CCDC172: variants seen among roughly 807,000 people sequenced by gnomAD.
CCDC172 encodes the protein coiled-coil domain-containing protein 172.
CCDC172 carries 30 observed loss-of-function variants against 38.0 expected under a neutral mutation model. That is an observed-to-expected ratio of 0.79 (90% CI 0.59 to 1.07). CCDC172 has a LOEUF of 1.07. CCDC172 is among the 50% of genes least tolerant of loss of function. CCDC172 has a pLI of 0.00. For missense variants in CCDC172, 297 were observed against 290.1 expected (o/e 1.02, Z -0.17); for synonymous variants, 78 against 88.3 (o/e 0.88, Z 0.66).
At chr10:116,338,783 G>T (rs935514159) in intron 3 of CCDC172, among the ~76,000 whole-genome samples, 3 of 152,050 alleles carry the variant, frequency 2.0e-5, no homozygotes, top group Admixed American at 2.0e-4. Flanking sequence ...TTGAATAATA[G>T]ATTTGCTTAA....
chr10:116,370,180 G>T (rs985191607), intron 7 of CCDC172, among the ~76,000 whole-genome samples: 11 of 148,558 alleles, frequency 7.4e-5, no homozygotes, highest in African/African-American at 2.7e-4. Flanking sequence ...GGTGGTTTTT[G>T]CTACACAACC....
At chr10:116,360,830 GTGT>G (rs1845054685) in intron 7 of CCDC172, among the ~76,000 whole-genome samples, 1 of 152,016 alleles carries the variant, frequency 6.6e-6, no homozygotes, top group Non-Finnish European at 1.5e-5. Context: ...ACCTTTAATG[GTGT>G]GAGTTAAGTT....
intron 6 of CCDC172, 27 bp from the exon 7 acceptor site, chr10:116,357,809 A>T: frequency 1.7e-6 from 2 of 1,156,884 alleles, no homozygotes; most frequent in Non-Finnish European, 2.5e-6. Flanking sequence ...TTTTCAAAAG[A>T]TTGCAACTAT....
At chr10:116,335,200 G>A (rs913921081) in intron 3 of CCDC172, among the ~76,000 whole-genome samples, 2 of 151,798 alleles carry the variant, frequency 1.3e-5, no homozygotes, top group African/African-American at 4.8e-5. Context: ...CTTTTATAGT[G>A]GTTTTCTTTT....
At chr10:116,339,558 A>T (rs1844768892) in intron 3 of CCDC172, among the ~76,000 whole-genome samples, 1 of 151,786 alleles carries the variant, frequency 6.6e-6, no homozygotes, top group Non-Finnish European at 1.5e-5. Context: ...AGTTCCTTTG[A>T]TTATGTGAAT....
At chr10:116,331,742 C>T (rs1662013268) in intron 3 of CCDC172, among the ~76,000 whole-genome samples, 1 of 152,094 alleles carries the variant, frequency 6.6e-6, no homozygotes, top group African/African-American at 2.4e-5. Flanking sequence ...AAGAACTTAT[C>T]TCTCCTGGCT....
At chr10:116,355,157 C>G (rs185353024) in intron 5 of CCDC172, among the ~76,000 whole-genome samples, 6 of 152,260 alleles carry the variant, frequency 3.9e-5, no homozygotes, top group Middle Eastern at 6.8e-3. Context: ...ATTCACTCAC[C>G]ACTCATTGAC....
intron 3 of CCDC172, among the ~76,000 whole-genome samples, chr10:116,326,035 G>C (rs1021285970): frequency 2.6e-5 from 4 of 152,168 alleles, no homozygotes; most frequent in African/African-American, 9.6e-5. Context: ...ATTGGGAAAG[G>C]AATCTAGTCA....
chr10:116,328,394 T>C (rs1008320915), intron 3 of CCDC172, among the ~76,000 whole-genome samples: 3 of 152,148 alleles, frequency 2.0e-5, no homozygotes, highest in African/African-American at 7.2e-5. Flanking sequence ...TTGTATAGTA[T>C]TGATGACAGG....
intron 5 of CCDC172, among the ~76,000 whole-genome samples, chr10:116,344,136 G>A (rs1358887276): frequency 6.6e-6 from 1 of 152,212 alleles, no homozygotes; most frequent in Admixed American, 6.5e-5. Context: ...GAAAGGGAAA[G>A]AGGGGAACAA....
At chr10:116,344,477 T>C (rs1190684722) in intron 5 of CCDC172, among the ~76,000 whole-genome samples, 3 of 152,138 alleles carry the variant, frequency 2.0e-5, no homozygotes, top group Non-Finnish European at 2.9e-5. Flanking sequence ...ACAGTATAAA[T>C]GATTTTAAAA....
At chr10:116,327,267 G>A (rs1430007859) in intron 3 of CCDC172, among the ~76,000 whole-genome samples, 2 of 152,006 alleles carry the variant, frequency 1.3e-5, no homozygotes, top group African/African-American at 2.4e-5. Flanking sequence ...TTTTATTAAA[G>A]CAGATTTCTT....
intron 5 of CCDC172, among the ~76,000 whole-genome samples, chr10:116,350,394 G>C (rs897767906): frequency 5.3e-5 from 8 of 152,176 alleles, no homozygotes; most frequent in Non-Finnish European, 1.5e-5. Context: ...AGGTAGCAAG[G>C]AGGATTTCAA....
chr10:116,344,602 T>G (rs889806026), intron 5 of CCDC172, among the ~76,000 whole-genome samples: 1 of 152,106 alleles, frequency 6.6e-6, no homozygotes, highest in Admixed American at 6.5e-5. Flanking sequence ...CCTAGAACAT[T>G]ACTGTATGCT....
chr10:116,379,094 T>G (rs1845282127), intron 8 of CCDC172, among the ~76,000 whole-genome samples: 1 of 152,142 alleles, frequency 6.6e-6, no homozygotes, highest in Admixed American at 6.6e-5. Flanking sequence ...TAAACTATCT[T>G]AAAATGTAGT....
chr10:116,339,982 T>C (rs1483006316), intron 3 of CCDC172, among the ~76,000 whole-genome samples: 1 of 151,998 alleles, frequency 6.6e-6, no homozygotes, highest in Non-Finnish European at 1.5e-5. Flanking sequence ...GATGCTTTCT[T>C]ATGAGGGCTA....
chr10:116,379,225 C>T, intron 8 of CCDC172, 98 bp from the exon 9 acceptor site: 3 of 579,266 alleles, frequency 5.2e-6, no homozygotes, highest in Non-Finnish European at 8.6e-6. Flanking sequence ...TTAAGAAATG[C>T]CCAGAATTTA....
At chr10:116,356,214 C>T (rs1250501555) in intron 5 of CCDC172, among the ~76,000 whole-genome samples, 1 of 151,952 alleles carries the variant, frequency 6.6e-6, no homozygotes, top group Non-Finnish European at 1.5e-5. Flanking sequence ...CCTGTAATCG[C>T]AGCTGCTTAG....
intron 7 of CCDC172, among the ~76,000 whole-genome samples, chr10:116,367,712 A>G (rs908698108): frequency 1.3e-5 from 2 of 152,100 alleles, no homozygotes; most frequent in African/African-American, 4.8e-5. Flanking sequence ...TATCATTGGT[A>G]CAGTACTATT....
Sources: gnomAD v4.1 joint callset for allele counts (sites outside exome capture counted in the v4.1 genomes callset) on GRCh38, gnomAD v4.1.1 for gene constraint, MANE v1.5 for transcripts, NCBI Gene and HGNC (gene_info 2026-07-23, HGNC 2026-07-21) for gene names.